The following IL1RAPL2 variants were observed in gnomAD, a reference collection of about 807,000 sequenced individuals.
The protein encoded by IL1RAPL2 is interleukin 1 receptor accessory protein like 2.
IL1RAPL2 carries 3 observed loss-of-function variants against 44.1 expected under a neutral mutation model. The ratio of observed to expected loss-of-function variants is 0.07; its 90% CI spans 0.03 to 0.18. The LOEUF is 0.18. IL1RAPL2 is among the 10% of genes least tolerant of loss of function. The pLI is 1.00. For synonymous variants in IL1RAPL2, 181 were observed against 178.8 expected, an observed-to-expected ratio of 1.01 and a Z score of -0.10; for missense variants, 391 against 496.4, an observed-to-expected ratio of 0.79 and a Z score of 2.02.
chrX:104,910,219 C>G (rs764359038), intron 2 of IL1RAPL2, among the ~76,000 whole-genome samples: 7 of 111,962 alleles, frequency 6.3e-5, no homozygotes, highest in Non-Finnish European at 1.1e-4. Context: ...GGCTCGCTCA[C>G]GGTGCGCGCA....
At chrX:104,848,307 A>C (rs1279477574) in intron 2 of IL1RAPL2, among the ~76,000 whole-genome samples, 1 of 107,167 alleles carries the variant, frequency 9.3e-6, no homozygotes, top group African/African-American at 3.4e-5. Flanking sequence ...AATATGTTTA[A>C]ACTTTTAGTT....
chrX:105,342,564 T>C (rs2035079862), intron 5 of IL1RAPL2, among the ~76,000 whole-genome samples: 1 of 111,735 alleles, frequency 8.9e-6, no homozygotes. Context: ...GATCGCTAGA[T>C]AGCTTCCTAG....
chrX:104,672,845 C>G (rs1439696791), intron 2 of IL1RAPL2, among the ~76,000 whole-genome samples: 3 of 111,667 alleles, frequency 2.7e-5, no homozygotes, highest in Non-Finnish European at 5.6e-5. Flanking sequence ...CTCTGATGAC[C>G]AGTGATGACG....
At chrX:105,210,484 G>A (rs1280589379) in intron 3 of IL1RAPL2, among the ~76,000 whole-genome samples, 22 of 110,282 alleles carry the variant, frequency 2.0e-4, no homozygotes, top group African/African-American at 5.6e-4. Flanking sequence ...GAGATTTTTC[G>A]TTGTCACAAT....
At chrX:104,633,682 G>A (rs1367457503) in intron 1 of IL1RAPL2, among the ~76,000 whole-genome samples, 2 of 110,760 alleles carry the variant, frequency 1.8e-5, no homozygotes. Context: ...GGGATCGGTG[G>A]TGATATCCCC....
At chrX:104,911,823 G>A (rs909365786) in intron 2 of IL1RAPL2, among the ~76,000 whole-genome samples, 1 of 111,757 alleles carries the variant, frequency 8.9e-6, no homozygotes, top group Non-Finnish European at 1.9e-5. Flanking sequence ...CCTGTTATTT[G>A]AAGAGACCAA....
intron 6 of IL1RAPL2, among the ~76,000 whole-genome samples, chrX:105,515,399 C>T (rs1019522938): frequency 3.6e-5 from 4 of 111,825 alleles, no homozygotes; most frequent in Non-Finnish European, 7.5e-5. Flanking sequence ...TTATCACTGC[C>T]CTATGCTCAT....
At position 104,975,188 on chromosome X, in the gene IL1RAPL2, T is replaced by C. The variant is rs186674521; in HGVS notation, c.83-220287T>C. Among the ~76,000 whole-genome samples, 44 of 111,424 alleles carry C rather than the reference T, an allele frequency of 3.9e-4. 1 individual carries two copies. In the Admixed American group the frequency reaches 4.1e-3, roughly 10 times the overall value. ...TTCCTAATGACAGGAGCAGATTGAA[T>C]AATAAAATGCGTACCCAGAAGAGTT... On this transcript the variant is annotated intron_variant, in intron 2 of 10. Transcript: ENST00000372582.
At chrX:104,771,232 C>A (rs1932636915) in intron 2 of IL1RAPL2, among the ~76,000 whole-genome samples, 1 of 112,155 alleles carries the variant, frequency 8.9e-6, no homozygotes, top group South Asian at 3.7e-4. Context: ...CTCCCACATA[C>A]CTTCTATTTT....
At chrX:104,961,016 G>T (rs1298488607) in intron 2 of IL1RAPL2, among the ~76,000 whole-genome samples, 1 of 111,285 alleles carries the variant, frequency 9.0e-6, no homozygotes, top group East Asian at 2.8e-4. Context: ...TTCATATTTT[G>T]ATTGCTTTGA....
intron 4 of IL1RAPL2, 36 bp from the exon 5 acceptor site, chrX:105,267,352 C>A: frequency 8.6e-7 from 1 of 1,159,684 alleles, no homozygotes; most frequent in Non-Finnish European, 1.2e-6. Context: ...CTGTGAAATT[C>A]TATTTTTTGC....
chrX:104,717,790 G>A (rs1393889296), intron 2 of IL1RAPL2, among the ~76,000 whole-genome samples: 1 of 106,718 alleles, frequency 9.4e-6, no homozygotes, highest in Admixed American at 1.0e-4. Context: ...GGTGTGTGAT[G>A]TTCCCCTTCC....
chrX:105,031,302 G>A (rs1185536828), intron 2 of IL1RAPL2, among the ~76,000 whole-genome samples: 1 of 107,613 alleles, frequency 9.3e-6, no homozygotes, highest in Non-Finnish European at 1.9e-5. Context: ...TGGTGAGAGA[G>A]GGCATCCCTG....
At chrX:104,955,789 C>T (rs1030596074) in intron 2 of IL1RAPL2, among the ~76,000 whole-genome samples, 1 of 110,749 alleles carries the variant, frequency 9.0e-6, no homozygotes, top group East Asian at 2.8e-4. Flanking sequence ...TGGATTCAAC[C>T]GCTTCTATAG....
At chrX:105,232,196 A>G (rs1379891544) in intron 3 of IL1RAPL2, among the ~76,000 whole-genome samples, 1 of 111,716 alleles carries the variant, frequency 9.0e-6, no homozygotes, top group Non-Finnish European at 1.9e-5. Context: ...AATTAACTTT[A>G]CCAGAAGCCT....
intron 2 of IL1RAPL2, among the ~76,000 whole-genome samples, chrX:104,831,245 T>C (rs1462372557): frequency 1.8e-5 from 2 of 111,840 alleles, no homozygotes; most frequent in South Asian, 3.7e-4. Flanking sequence ...AGAGTATTTC[T>C]TCAAAGATTT....
intron 1 of IL1RAPL2, among the ~76,000 whole-genome samples, chrX:104,638,616 A>G (rs914291999): frequency 3.6e-5 from 4 of 112,037 alleles, no homozygotes; most frequent in Non-Finnish European, 7.5e-5. Flanking sequence ...CATCTACCCA[A>G]TAATCATTCA....
chrX:104,707,160 C>T (rs191890633), intron 2 of IL1RAPL2, among the ~76,000 whole-genome samples: 1 of 111,075 alleles, frequency 9.0e-6, no homozygotes, highest in East Asian at 2.9e-4. Flanking sequence ...CAGATATCAC[C>T]GAATCTGTCA....
chrX:105,219,566 T>C (rs1569406409), intron 3 of IL1RAPL2: 16 of 1,206,919 alleles, frequency 1.3e-5, no homozygotes, highest in Non-Finnish European at 1.8e-5. Flanking sequence ...GGGGGAGCCA[T>C]GGCCTCCACA....
Sources: allele counts gnomAD v4.1 joint callset (sites outside exome capture counted in the v4.1 genomes callset), GRCh38; gene constraint gnomAD v4.1.1; transcripts MANE v1.5; gene names NCBI Gene and HGNC (gene_info 2026-07-23, HGNC 2026-07-21).